Variants in SLC15A1 observed in about 807,000 individuals in gnomAD.
The protein encoded by SLC15A1 is Caco-2 oligopeptide transporter.
SLC15A1 carries 83 observed loss-of-function variants against 92.9 expected under a neutral mutation model. The ratio of observed to expected loss-of-function variants is 0.89; its 90% CI spans 0.75 to 1.07. The LOEUF is 1.07. SLC15A1 is among the 50% of genes least tolerant of loss of function. The pLI, the probability that SLC15A1 is intolerant of heterozygous loss-of-function variation, is 0.00. For synonymous variants in SLC15A1, 322 were observed against 318.2 expected (o/e 1.01, Z -0.13); for missense variants, 857 against 880.1 (o/e 0.97, Z 0.33).
chr13:98,737,664 C>A (rs2088405411), intron 1 of SLC15A1, among the ~76,000 whole-genome samples: 1 of 152,062 alleles, frequency 6.6e-6, no homozygotes, highest in South Asian at 2.1e-4. Flanking sequence ...GAACCGTGAG[C>A]CAATTATATC....
At chr13:98,690,623 C>T (rs1017974520) in intron 18 of SLC15A1, among the ~76,000 whole-genome samples, 11 of 152,076 alleles carry the variant, frequency 7.2e-5, no homozygotes, top group South Asian at 2.1e-4. Flanking sequence ...AAACACAGTC[C>T]GAGTAACTTA....
chr13:98,693,147 G>T (rs2087995672), intron 18 of SLC15A1, among the ~76,000 whole-genome samples: 1 of 139,612 alleles, frequency 7.2e-6, no homozygotes, highest in Non-Finnish European at 1.5e-5. Flanking sequence ...GCCCAGGCTG[G>T]AGAGCCATGG....
intron 1 of SLC15A1, among the ~76,000 whole-genome samples, chr13:98,741,325 T>G (rs4772130): frequency 6.6e-6 from 1 of 152,224 alleles, no homozygotes; most frequent in African/African-American, 2.4e-5. Context: ...ATAGCCTCCT[T>G]TTCAGGAGCA....
chr13:98,740,357 T>C (rs2088434540), intron 1 of SLC15A1, among the ~76,000 whole-genome samples: 1 of 152,168 alleles, frequency 6.6e-6, no homozygotes, highest in African/African-American at 2.4e-5. Context: ...CTTCCCCCAG[T>C]GGAGAACCTT....
chr13:98,698,442 TG>T (rs1299454707), intron 18 of SLC15A1, among the ~76,000 whole-genome samples: 3 of 152,206 alleles, frequency 2.0e-5, no homozygotes, highest in Non-Finnish European at 4.4e-5. Flanking sequence ...GGTTTTGTTT[TG>T]TTTTGCTTTT....
intron 18 of SLC15A1, among the ~76,000 whole-genome samples, chr13:98,690,959 T>C (rs929402364): frequency 3.9e-5 from 6 of 152,240 alleles, no homozygotes; most frequent in African/African-American, 1.4e-4. Context: ...AATCATTCTA[T>C]GCAGGTCTCT....
chr13:98,693,032 C>T (rs1448533465), intron 18 of SLC15A1, among the ~76,000 whole-genome samples: 2 of 151,102 alleles, frequency 1.3e-5, no homozygotes. Context: ...AGCCACCATG[C>T]CCAGCCAAGG....
At chr13:98,749,705 C>G (rs183514914) in intron 1 of SLC15A1, among the ~76,000 whole-genome samples, 81 of 152,302 alleles carry the variant, frequency 5.3e-4, no homozygotes, top group African/African-American at 1.8e-3. Context: ...CACACAGATA[C>G]CTTGGCTAGG....
At chr13:98,698,715 G>A (rs1248572701) in intron 18 of SLC15A1, among the ~76,000 whole-genome samples, 1 of 152,116 alleles carries the variant, frequency 6.6e-6, no homozygotes, top group African/African-American at 2.4e-5. Context: ...GGGATTACAG[G>A]CATGAGCCAC....
chr13:98,699,571 A>G (rs1397335379), intron 18 of SLC15A1, among the ~76,000 whole-genome samples: 3 of 152,246 alleles, frequency 2.0e-5, no homozygotes, highest in South Asian at 2.1e-4. Context: ...CAGAGCTTCT[A>G]TAAACATTCA....
chr13:98,713,729 G>A (rs2088186563), intron 9 of SLC15A1, among the ~76,000 whole-genome samples: 2 of 152,084 alleles, frequency 1.3e-5, no homozygotes, highest in Admixed American at 1.3e-4. Context: ...GCTGGTGGAG[G>A]CTGGAGGCAT....
Position 98,745,420 on chromosome 13 carries a change from A to T in SLC15A1, c.4+7175T>A, listed in dbSNP as rs138615453. Among the ~76,000 whole-genome samples the T allele has an allele frequency of 9.2e-5, 14 of 152,264 alleles. No individual in the cohort carries two copies. In the East Asian group the frequency reaches 2.7e-3, roughly 29 times the overall value. ...CCTGCCCATCCCCCCACAAATTCAC[A>T]TCCTTCTCAATCTCAGAACTTGACC... is the stretch of plus-strand genomic sequence containing the variant. On this transcript the variant is annotated intron_variant, in intron 1 of 22. Coordinates refer to ENST00000376503, the MANE Select transcript of SLC15A1 (RefSeq NM_005073.4).
Position 98,752,634 on chromosome 13 carries a change from G to A in SLC15A1, c.-36C>T. ...CCCAGGGCTCCTGCGACCTGCCGGC[G>A]GGACGTGCTCCTGGCAGGTGCTACT... On this transcript the variant is annotated 5_prime_UTR_variant, in exon 1 of 23. Transcript: ENST00000376503. 3.2e-6 allele frequency: 4 copies of A among 1,251,454 alleles called. No homozygotes were observed. Among genetic ancestry groups the A allele is most frequent in the South Asian group, 3.3e-5 (1 of 29,990 alleles). The allele number at this position is 1,251,454 out of a possible 1,614,324, so 77.5% of individuals were successfully genotyped here. A position where few individuals can be genotyped will look rare whatever the true frequency, so the allele number is the denominator to read the frequency against.
In SLC15A1 at chr13:98,694,599, CA is replaced by C. The variant is rs371548519; in HGVS notation, c.1467-6023del. 6.6e-4 allele frequency among the ~76,000 whole-genome samples: 100 copies of C among 152,176 alleles called. No individual in the cohort carries two copies. The East Asian group carries it at 9.1e-3, about 14-fold the overall frequency. ...AACTTCATACATGTGGACAAAGAAA[CA>C]GGTAAGAATGTGAATTTTGGCATTG... is the stretch of plus-strand genomic sequence containing the variant. On this transcript the variant is annotated intron_variant, in intron 18 of 22. Transcript: ENST00000376503.
intron 1 of SLC15A1, among the ~76,000 whole-genome samples, chr13:98,738,278 G>A (rs2088410903): frequency 6.6e-6 from 1 of 152,230 alleles, no homozygotes; most frequent in South Asian, 2.1e-4. Context: ...TTCAGCAGAG[G>A]AATTCAAGCA....
intron 8 of SLC15A1, 32 bp from the exon 9 acceptor site, chr13:98,715,992 A>AG (rs770996564): frequency 6.3e-7 from 1 of 1,588,948 alleles, no homozygotes; most frequent in Non-Finnish European, 8.6e-7. Context: ...ATGTCAGCAA[A>AG]GCATGTGACC....
chr13:98,696,446 C>A (rs1353899456), intron 18 of SLC15A1, among the ~76,000 whole-genome samples: 3 of 151,332 alleles, frequency 2.0e-5, no homozygotes, highest in African/African-American at 4.9e-5. Flanking sequence ...AAAAACCCAA[C>A]AACAAAAAAA....
At chr13:98,690,586 T>C (rs1253735516) in intron 18 of SLC15A1, among the ~76,000 whole-genome samples, 1 of 152,146 alleles carries the variant, frequency 6.6e-6, no homozygotes, top group Non-Finnish European at 1.5e-5. Flanking sequence ...CTGGCCTATG[T>C]CTTAGGGCTG....
intron 1 of SLC15A1, among the ~76,000 whole-genome samples, chr13:98,729,807 T>A (rs2139599183): frequency 6.6e-6 from 1 of 152,290 alleles, no homozygotes; most frequent in Non-Finnish European, 1.5e-5. Context: ...CTTCACCACC[T>A]CTTCCTGGGC....
Sources: allele counts gnomAD v4.1 joint callset (sites outside exome capture counted in the v4.1 genomes callset), GRCh38; gene constraint gnomAD v4.1.1; transcripts MANE v1.5; gene names NCBI Gene and HGNC (gene_info 2026-07-23, HGNC 2026-07-21).